CAMTA1: variants seen among roughly 807,000 people sequenced by gnomAD.
CAMTA1 encodes calmodulin binding transcription activator 1.
In CAMTA1, 27 loss-of-function variants were observed where a neutral mutation model predicts 170.9. The ratio of observed to expected loss-of-function variants is 0.16; its 90% CI spans 0.12 to 0.22. The LOEUF (loss-of-function observed/expected upper bound fraction) is 0.22, where lower values mean the gene tolerates loss of function less well. Ranked by LOEUF, CAMTA1 falls within the 10% of genes least tolerant of loss-of-function variation. The probability of loss-of-function intolerance (pLI) is 1.00; values close to 1 mark genes in which losing one functional copy is unlikely to be tolerated. For synonymous variants in CAMTA1, 833 were observed against 891.5 expected, an observed-to-expected ratio of 0.93 and a Z score of 1.17; for missense variants, 1,619 against 2,217.2, an observed-to-expected ratio of 0.73 and a Z score of 5.42.
At chr1:7,453,030 C>G (rs1348196273) in intron 5 of CAMTA1, among the ~76,000 whole-genome samples, 1 of 152,250 alleles carries the variant, frequency 6.6e-6, no homozygotes. Flanking sequence ...GACCCCATCC[C>G]AGCCCCCAGG....
intron 6 of CAMTA1, among the ~76,000 whole-genome samples, chr1:7,527,146 A>G (rs1339383583): frequency 2.0e-5 from 3 of 152,164 alleles, no homozygotes; most frequent in Non-Finnish European, 4.4e-5. Context: ...CACTGACTGT[A>G]GCCACCATGA....
intron 5 of CAMTA1, among the ~76,000 whole-genome samples, chr1:7,269,939 A>G (rs1028227671): frequency 6.6e-6 from 1 of 152,174 alleles, no homozygotes; most frequent in African/African-American, 2.4e-5. Flanking sequence ...ACAAAGAGGA[A>G]ATCTTTTAAT....
At chr1:7,205,199 C>T (rs1657505832) in intron 4 of CAMTA1, among the ~76,000 whole-genome samples, 1 of 152,044 alleles carries the variant, frequency 6.6e-6, no homozygotes, top group Admixed American at 6.5e-5. Context: ...CCTCTGCCTC[C>T]TGGGTTCAAG....
At chr1:7,071,781 G>T (rs566504422) in intron 3 of CAMTA1, among the ~76,000 whole-genome samples, 71 of 152,322 alleles carry the variant, frequency 4.7e-4, no homozygotes, top group African/African-American at 1.6e-3. Flanking sequence ...AAGTGGAAAT[G>T]CCTGGGACCA....
chr1:7,765,517 C>T (rs781477388), intron 22 of CAMTA1, among the ~76,000 whole-genome samples: 14 of 152,062 alleles, frequency 9.2e-5, no homozygotes, highest in Non-Finnish European at 1.8e-4. Context: ...AGTATCGCAC[C>T]CTATGGCTGT....
At position 7,067,922 on chromosome 1, in the gene CAMTA1, A is replaced by C. The variant is rs1020342970; in HGVS notation, c.235-23382A>C. Among the ~76,000 whole-genome samples the C allele has an allele frequency of 6.6e-6, 1 of 152,168 alleles. No homozygotes were observed. Among genetic ancestry groups the C allele is most frequent in the East Asian group, 1.9e-4 (1 of 5,194 alleles). ...TTCTAGGACAATTTCCTGGCTCTTA[A>C]AAAAGGGTGTATGATTTCTGTCTTC... On this transcript the variant is annotated intron_variant, in intron 3 of 22. Coordinates refer to ENST00000303635, the MANE Select transcript of CAMTA1 (RefSeq NM_015215.4). This position sits in a 1 kb window ranked among gnomAD's most constrained non-coding sequence, Gnocchi z 4.3.
intron 3 of CAMTA1, among the ~76,000 whole-genome samples, chr1:6,991,370 G>A (rs1696344528): frequency 6.6e-6 from 1 of 152,062 alleles, no homozygotes; most frequent in Non-Finnish European, 1.5e-5. Context: ...GATTCCAGTT[G>A]CTCTCCATAC....
At chr1:7,252,589 G>A (rs895844907) in intron 5 of CAMTA1, among the ~76,000 whole-genome samples, 2 of 152,220 alleles carry the variant, frequency 1.3e-5, no homozygotes, top group Non-Finnish European at 2.9e-5. Flanking sequence ...CTCACAGGAG[G>A]AGGGGGCTTC....
chr1:6,796,725 G>A (rs759373012), intron 1 of CAMTA1, among the ~76,000 whole-genome samples: 1 of 152,036 alleles, frequency 6.6e-6, no homozygotes, highest in African/African-American at 2.4e-5. Flanking sequence ...TGTTGACTCC[G>A]GTTTCTCCTC....
At chr1:7,033,183 A>T (rs184872105) in intron 3 of CAMTA1, among the ~76,000 whole-genome samples, 1 of 152,216 alleles carries the variant, frequency 6.6e-6, no homozygotes, top group South Asian at 2.1e-4. Flanking sequence ...CATATATTAG[A>T]CTGCTTAAAG....
chr1:6,923,299 T>C (rs1682419226), intron 3 of CAMTA1, among the ~76,000 whole-genome samples: 2 of 152,150 alleles, frequency 1.3e-5, no homozygotes, highest in African/African-American at 4.8e-5. Flanking sequence ...TGTGATCCAA[T>C]TCGGGTCATC....
intron 5 of CAMTA1, among the ~76,000 whole-genome samples, chr1:7,337,464 C>T (rs781418049): frequency 7.2e-5 from 11 of 152,010 alleles, no homozygotes; most frequent in Non-Finnish European, 1.5e-4. Flanking sequence ...AGTGGTTGAC[C>T]CTCCGTAATG....
At chr1:6,862,233 A>G (rs906176703) in intron 3 of CAMTA1, among the ~76,000 whole-genome samples, 6 of 152,218 alleles carry the variant, frequency 3.9e-5, no homozygotes, top group African/African-American at 1.4e-4. Context: ...TCGGCCTCCC[A>G]AAGTGCTAGG....
rs986244917 is a variant in CAMTA1 at position 7,609,528 on chromosome 1, G to A, written c.511-30872G>A. ...AGGCCCCCAGGGATGCTCAGGGCCT[G>A]CCACCCCTCTCTCAGGCTCCAGTCC... On this transcript the variant is annotated intron_variant, in intron 6 of 22. Transcript: ENST00000303635. This position sits in a 1 kb window ranked among gnomAD's most constrained non-coding sequence, Gnocchi z 4.4. Among the ~76,000 whole-genome samples, 3 of 152,192 alleles carry A rather than the reference G, an allele frequency of 2.0e-5. No homozygotes were observed. Among genetic ancestry groups the A allele is most frequent in the African/African-American group, 7.2e-5 (3 of 41,448 alleles).
intron 3 of CAMTA1, among the ~76,000 whole-genome samples, chr1:6,985,756 T>G (rs141180384): frequency 6.6e-6 from 1 of 152,342 alleles, no homozygotes; most frequent in African/African-American, 2.4e-5. Context: ...GTGGGCTGTG[T>G]GTGAGCAGAA....
intron 4 of CAMTA1, among the ~76,000 whole-genome samples, chr1:7,223,699 A>G (rs1476116928): frequency 6.6e-6 from 1 of 152,210 alleles, no homozygotes; most frequent in Non-Finnish European, 1.5e-5. Flanking sequence ...CGATGAATTC[A>G]TGGATGCATG....
intron 5 of CAMTA1, among the ~76,000 whole-genome samples, chr1:7,431,964 A>G (rs2092180042): frequency 6.6e-6 from 1 of 152,198 alleles, no homozygotes; most frequent in African/African-American, 2.4e-5. Flanking sequence ...GAAGGCAGCG[A>G]CTGTAATGCT....
At chr1:7,398,715 T>A (rs2089646651) in intron 5 of CAMTA1, among the ~76,000 whole-genome samples, 1 of 152,308 alleles carries the variant, frequency 6.6e-6, no homozygotes. Flanking sequence ...CCTGTGTTCC[T>A]TTCTTTCTCT....
intron 6 of CAMTA1, among the ~76,000 whole-genome samples, chr1:7,591,807 T>C (rs2095357492): frequency 6.6e-6 from 1 of 152,258 alleles, no homozygotes. Context: ...CAAGCCAAGC[T>C]CACAGCTTTT....
Sources: allele counts gnomAD v4.1 joint callset (sites outside exome capture counted in the v4.1 genomes callset), GRCh38; gene constraint gnomAD v4.1.1; non-coding constraint Gnocchi (gnomAD v3.1); transcripts MANE v1.5; gene names NCBI Gene and HGNC (gene_info 2026-07-23, HGNC 2026-07-21).